NT5C2: variants seen among roughly 807,000 people sequenced by gnomAD.
The protein encoded by NT5C2 is 5'-nucleotidase, cytosolic II, also known as cytosolic purine 5'-nucleotidase.
Under a neutral mutation model 76.1 loss-of-function variants are expected in NT5C2, and 58 were observed. The observed-to-expected ratio is 0.76, with a 90% CI of 0.62 to 0.95. The LOEUF (loss-of-function observed/expected upper bound fraction) is 0.95. NT5C2 is among the 40% of genes least tolerant of loss of function. The pLI is 0.00. For synonymous variants in NT5C2, 229 were observed against 237.4 expected (o/e 0.96, Z 0.32); for missense variants, 478 against 690.3 (o/e 0.69, Z 3.45).
Position 103,187,426 on chromosome 10 carries a change from G to A in NT5C2, c.-169+5810C>T, listed in dbSNP as rs146362304. Among the ~76,000 whole-genome samples, 903 of 150,936 alleles carry A rather than the reference G, an allele frequency of 6.0e-3. 10 individuals are homozygous for A. The highest frequency in any genetic ancestry group is 0.021 in the African/African-American group (845 of 41,116). Reference sequence around the variant, plus strand: ...AAATTAGCCAGGTGTAGTGGTGGGCGCCTGTAATCCCAGCTACTCGGGAGA... The same window carrying A: ...AAATTAGCCAGGTGTAGTGGTGGGCACCTGTAATCCCAGCTACTCGGGAGA... On this transcript the variant is annotated intron_variant, in intron 1 of 18. Transcript: ENST00000404739.
At chr10:103,121,237 T>G (rs765671745) in intron 4 of NT5C2, among the ~76,000 whole-genome samples, 1 of 152,214 alleles carries the variant, frequency 6.6e-6, no homozygotes, top group South Asian at 2.1e-4. Context: ...ATGTGCTTAA[T>G]GCCATTGAAT....
At chr10:103,162,398 C>T (rs1374668527) in intron 3 of NT5C2, among the ~76,000 whole-genome samples, 1 of 152,086 alleles carries the variant, frequency 6.6e-6, no homozygotes, top group East Asian at 1.9e-4. Context: ...TGGCAAACAA[C>T]TTGAAAAGGC....
intron 2 of NT5C2, among the ~76,000 whole-genome samples, chr10:103,179,750 CAT>C (rs1476828177): frequency 6.6e-6 from 1 of 152,164 alleles, no homozygotes; most frequent in African/African-American, 2.4e-5. Context: ...ACAGGGTTGG[CAT>C]ATAACATCAT....
At chr10:103,132,536 G>A (rs2078399684) in intron 4 of NT5C2, among the ~76,000 whole-genome samples, 1 of 152,000 alleles carries the variant, frequency 6.6e-6, no homozygotes, top group Admixed American at 6.6e-5. Flanking sequence ...CTCTTCTGTA[G>A]GTCTAAAGTA....
chr10:103,155,821 C>T (rs1477993622), intron 3 of NT5C2, among the ~76,000 whole-genome samples: 1 of 152,092 alleles, frequency 6.6e-6, no homozygotes, highest in African/African-American at 2.4e-5. Context: ...CTGTTGCATG[C>T]TCGATGTGAT....
chr10:103,173,175 G>A (rs141176304), intron 3 of NT5C2, among the ~76,000 whole-genome samples: 28 of 152,130 alleles, frequency 1.8e-4, no homozygotes, highest in East Asian at 5.8e-4. Context: ...AAGTGATTTC[G>A]AGAAAATATT....
At chr10:103,190,976 T>TA (rs2092591452) in intron 1 of NT5C2, among the ~76,000 whole-genome samples, 1 of 152,226 alleles carries the variant, frequency 6.6e-6, no homozygotes, top group South Asian at 2.1e-4. Flanking sequence ...GTGTACTAGA[T>TA]AAAAACCAGT....
intron 4 of NT5C2, among the ~76,000 whole-genome samples, chr10:103,109,843 A>G (rs2072465167): frequency 6.6e-6 from 1 of 152,228 alleles, no homozygotes; most frequent in African/African-American, 2.4e-5. Context: ...GAAAAACAAT[A>G]CAGGAGAGAA....
At chr10:103,187,456 G>A (rs956650030) in intron 1 of NT5C2, among the ~76,000 whole-genome samples, 4 of 151,558 alleles carry the variant, frequency 2.6e-5, no homozygotes, top group Non-Finnish European at 5.9e-5. Context: ...GGGAGATTAA[G>A]GCAGAGAATT....
At chr10:103,089,931 C>G (rs1255839676) in intron 18 of NT5C2, 23 bp from the exon 19 acceptor site, 3 of 1,560,478 alleles carry the variant, frequency 1.9e-6, no homozygotes. Context: ...AAGCTAGAGG[C>G]TCAGAAAGCA....
intron 4 of NT5C2, among the ~76,000 whole-genome samples, chr10:103,132,851 C>T (rs570281893): frequency 2.6e-5 from 4 of 151,206 alleles, no homozygotes; most frequent in Non-Finnish European, 5.9e-5. Flanking sequence ...CGCCTGGCCG[C>T]GGTCTAAAGT....
chr10:103,130,565 TA>T (rs1224739449), intron 4 of NT5C2, among the ~76,000 whole-genome samples: 10 of 96,046 alleles, frequency 1.0e-4, no homozygotes, highest in South Asian at 7.5e-4. Context: ...AAAATAAATT[TA>T]AAAAAAAAAT....
chr10:103,136,626 ATTTT>A (rs71019660), intron 4 of NT5C2, among the ~76,000 whole-genome samples: 1 of 143,012 alleles, frequency 7.0e-6, no homozygotes, highest in African/African-American at 2.6e-5. Flanking sequence ...TCAGTTAATT[ATTTT>A]TTTTTTTTTT....
intron 1 of NT5C2, among the ~76,000 whole-genome samples, chr10:103,185,788 T>C (rs1276581201): frequency 2.0e-5 from 3 of 151,866 alleles, no homozygotes; most frequent in South Asian, 4.1e-4. Context: ...TACAAAATAA[T>C]TTAAAAAGAT....
chr10:103,174,203 T>TC (rs1484437973), intron 3 of NT5C2, among the ~76,000 whole-genome samples: 5 of 151,940 alleles, frequency 3.3e-5, no homozygotes, highest in Middle Eastern at 3.2e-3. Context: ...GGCCAGGAGT[T>TC]CAAGATCACC....
chr10:103,171,399 C>A (rs1221290547), intron 3 of NT5C2, among the ~76,000 whole-genome samples: 6 of 152,172 alleles, frequency 3.9e-5, no homozygotes, highest in Non-Finnish European at 7.3e-5. Context: ...CCTACATAAA[C>A]CAGTTTAGCC....
Position 103,135,705 on chromosome 10 carries a change from T to C in NT5C2, c.175+3701A>G, listed in dbSNP as rs562838717. ...CAGGAGGCTGAGGCAGGAGAATCGA[T>C]TGAACCCAGGAGGCGGAGGTTGCAA... On this transcript the variant is annotated intron_variant, in intron 4 of 18. Coordinates refer to ENST00000404739, the MANE Select transcript of NT5C2 (RefSeq NM_001351169.2). 3.2e-4 allele frequency among the ~76,000 whole-genome samples: 48 copies of C among 151,662 alleles called. 2 individuals are homozygous for C. The South Asian group carries it at 4.8e-3, about 15-fold the overall frequency.
chr10:103,108,940 C>T (rs1220579013), intron 4 of NT5C2, among the ~76,000 whole-genome samples: 2 of 151,944 alleles, frequency 1.3e-5, no homozygotes, highest in African/African-American at 4.8e-5. Context: ...CTCACTGCAA[C>T]CTCTGCCTCC....
Position 103,126,742 on chromosome 10 carries a change from C to T in NT5C2, c.175+12664G>A, listed in dbSNP as rs181038031. ...TTTCATATATAAACTCATCTGTACT[C>T]GACAGACAAACTACAGCTGACTTGA... On this transcript the variant is annotated intron_variant, in intron 4 of 18. Transcript: ENST00000404739. Among the ~76,000 whole-genome samples, 49 of 152,334 alleles carry T rather than the reference C, an allele frequency of 3.2e-4. 1 individual carries two copies. Among genetic ancestry groups the T allele is most frequent in the Admixed American group, 2.7e-3 (41 of 15,306 alleles).
Sources: allele counts gnomAD v4.1 joint callset (sites outside exome capture counted in the v4.1 genomes callset), GRCh38; gene constraint gnomAD v4.1.1; transcripts MANE v1.5; gene names NCBI Gene and HGNC (gene_info 2026-07-23, HGNC 2026-07-21).